TRPC3: variants seen among roughly 807,000 people sequenced by gnomAD.
TRPC3 encodes transient receptor potential cation channel subfamily C member 3.
In TRPC3, 54 loss-of-function variants were observed where a neutral mutation model predicts 90.9. That is an observed-to-expected ratio of 0.59 (90% confidence interval 0.48 to 0.75). The LOEUF is 0.75. Among genes scored for constraint, TRPC3 ranks in the 30% least tolerant of loss-of-function variants. The pLI, the probability that TRPC3 is intolerant of heterozygous loss-of-function variation, is 0.00. For missense variants in TRPC3, 918 were observed against 1,194.5 expected (o/e 0.77, Z 3.41); for synonymous variants, 424 against 450.9 (o/e 0.94, Z 0.75).
At chr4:121,896,696 ACTGTT>A (rs1728526684) in intron 10 of TRPC3, among the ~76,000 whole-genome samples, 1 of 81,650 alleles carries the variant, frequency 1.2e-5, no homozygotes, top group Non-Finnish European at 3.3e-5. Context: ...AAGAATTACT[ACTGTT>A]AAAATGACAA....
chr4:121,908,180 G>T (rs1198250871), intron 6 of TRPC3, among the ~76,000 whole-genome samples: 2 of 152,108 alleles, frequency 1.3e-5, no homozygotes, highest in Non-Finnish European at 2.9e-5. Flanking sequence ...ACCCTTTCAA[G>T]GTCACTTATT....
intron 10 of TRPC3, among the ~76,000 whole-genome samples, chr4:121,895,373 A>T (rs1159679773): frequency 1.3e-5 from 2 of 152,144 alleles, no homozygotes; most frequent in Non-Finnish European, 2.9e-5. Context: ...TGAGACTAAA[A>T]TAAATACAAA....
At chr4:121,909,797 C>A (rs1259721589) in intron 6 of TRPC3, among the ~76,000 whole-genome samples, 2 of 152,100 alleles carry the variant, frequency 1.3e-5, no homozygotes, top group African/African-American at 4.8e-5. Flanking sequence ...CAGGGACTTA[C>A]CTTCCACATC....
intron 9 of TRPC3, among the ~76,000 whole-genome samples, chr4:121,900,917 T>C (rs941134556): frequency 6.6e-6 from 1 of 152,168 alleles, no homozygotes; most frequent in Non-Finnish European, 1.5e-5. Flanking sequence ...AGCTATTCTT[T>C]CCTGTCAATG....
At chr4:121,918,762 A>T (rs762758562) in intron 3 of TRPC3, among the ~76,000 whole-genome samples, 5 of 152,226 alleles carry the variant, frequency 3.3e-5, no homozygotes, top group Non-Finnish European at 7.3e-5. Context: ...ATTTTCCTCC[A>T]ATGATGTAAA....
At chr4:121,914,014 G>A (rs1729205565) in intron 4 of TRPC3, among the ~76,000 whole-genome samples, 1 of 152,148 alleles carries the variant, frequency 6.6e-6, no homozygotes, top group Non-Finnish European at 1.5e-5. Flanking sequence ...AGGATTAAAG[G>A]ATCTCAGCAC....
At chr4:121,901,592 C>G (rs1728699510) in intron 9 of TRPC3, among the ~76,000 whole-genome samples, 1 of 152,198 alleles carries the variant, frequency 6.6e-6, no homozygotes. Context: ...TACAGGAAAG[C>G]ACTTTGTAAA....
Position 121,910,198 on chromosome 4 carries a change from A to G in TRPC3, c.1748T>C (p.Leu583Pro). 1.9e-6 allele frequency: 3 copies of G among 1,613,730 alleles called. 1 individual carries two copies. In the South Asian group the frequency reaches 3.3e-5, roughly 18 times the overall value. Reference protein sequence around the residue: ...YVDSYVQESDLSEVTLPPEIQ... With the variant: ...YVDSYVQESDPSEVTLPPEIQ... ...CTCTGGTGGGAGTGTCACTTCACTG[A>G]GGTCACTCTCTTGGACGTAACTGTC... is the stretch of plus-strand genomic sequence containing the variant. Residue 583 changes from leucine to proline, a missense_variant, in exon 6 of 12, where the codon CTC (leucine) becomes CCC (proline). Leu to Pro is a moderately conservative substitution (Grantham distance 98, BLOSUM62 -3). Transcript: ENST00000379645.
chr4:121,902,884 T>C lies in TRPC3; in HGVS notation c.2431A>G (p.Ile811Val), dbSNP rs1283127579. 2.5e-6 allele frequency: 4 copies of C among 1,612,734 alleles called. No individual in the cohort carries two copies. Among genetic ancestry groups the C allele is most frequent in the East Asian group, 2.2e-5 (1 of 44,770 alleles). ...KCRRRRLQKD[I>V]EMGMGNSKSR... ...TTTGAGTTACCCATTCCCATTTCTATATCCTTCTGAAGCCTTCTCCTTCTG... is the reference window on the plus strand; with the variant it reads ...TTTGAGTTACCCATTCCCATTTCTACATCCTTCTGAAGCCTTCTCCTTCTG... Residue 811 changes from isoleucine to valine, a missense_variant, in exon 9 of 12, where the codon ATA (isoleucine) becomes GTA (valine). Coordinates refer to ENST00000379645, the MANE Select transcript of TRPC3 (RefSeq NM_001130698.2).
chr4:121,930,156 G>C (rs564234392), intron 2 of TRPC3, among the ~76,000 whole-genome samples: 6 of 152,282 alleles, frequency 3.9e-5, no homozygotes, highest in Non-Finnish European at 7.4e-5. Context: ...AAATGAGAAA[G>C]AAAAGGCACA....
intron 9 of TRPC3, among the ~76,000 whole-genome samples, chr4:121,900,074 C>T (rs192519166): frequency 4.6e-5 from 7 of 152,118 alleles, no homozygotes; most frequent in Non-Finnish European, 1.0e-4. Flanking sequence ...AGTTCCTCTT[C>T]TAGATTTGAA....
At chr4:121,885,009 G>A (rs1030197672) in intron 10 of TRPC3, among the ~76,000 whole-genome samples, 4 of 152,160 alleles carry the variant, frequency 2.6e-5, no homozygotes, top group Non-Finnish European at 5.9e-5. Context: ...AAAATTATGT[G>A]TATCAGTTGA....
At chr4:121,934,348 T>TA (rs1730058809) in intron 1 of TRPC3, among the ~76,000 whole-genome samples, 1 of 152,218 alleles carries the variant, frequency 6.6e-6, no homozygotes, top group Non-Finnish European at 1.5e-5. Context: ...CTTTCAATAA[T>TA]CTGTACAATA....
chr4:121,950,721 C>A (rs2149160359), intron 1 of TRPC3: 1 of 152,372 alleles, frequency 6.6e-6, no homozygotes, highest in South Asian at 2.1e-4. Flanking sequence ...CGCGCCGGGG[C>A]GCGAGCCGCT....
chr4:121,907,546 G>T lies in TRPC3; in HGVS notation c.1814C>A (p.Ser605Tyr). 1 of 1,605,590 alleles carries T rather than the reference G, an allele frequency of 6.2e-7. No individual in the cohort carries two copies. Among genetic ancestry groups the T allele is most frequent in the Admixed American group, 1.7e-5 (1 of 58,222 alleles). Residue 605 changes from serine to tyrosine, a missense_variant, in exon 7 of 12, where the codon TCT (serine) becomes TAT (tyrosine). By Grantham distance (144) the Ser-to-Tyr change is moderately radical. Coordinates refer to ENST00000379645, the MANE Select transcript of TRPC3 (RefSeq NM_001130698.2). ...FTYARDKWLP[S>Y]DPQIISEGLY... is the part of the protein sequence containing the mutation. Reference sequence around the variant, plus strand: ...GCCTTCAGATATAATCTGAGGGTCAGAAGGGAGCCATTTATCTCTAGCTAG... The same window carrying T: ...GCCTTCAGATATAATCTGAGGGTCATAAGGGAGCCATTTATCTCTAGCTAG...
intron 1 of TRPC3, among the ~76,000 whole-genome samples, chr4:121,946,762 T>C (rs1461505408): frequency 6.6e-6 from 1 of 152,230 alleles, no homozygotes; most frequent in South Asian, 2.1e-4. Flanking sequence ...CTTTTAGCAC[T>C]ATCTAACTTT....
chr4:121,934,916 T>G (rs1219648460), intron 1 of TRPC3, among the ~76,000 whole-genome samples: 4 of 152,234 alleles, frequency 2.6e-5, no homozygotes, highest in African/African-American at 9.6e-5. Context: ...CACAGTGCTG[T>G]GACTGGCACC....
At chr4:121,912,591 T>C (rs187385820) in intron 4 of TRPC3, among the ~76,000 whole-genome samples, 86 of 152,324 alleles carry the variant, frequency 5.6e-4, no homozygotes, top group African/African-American at 2.0e-3. Context: ...CATTTCTAAA[T>C]ATTCCAAAAT....
chr4:121,917,068 A>G (rs1344075630), intron 3 of TRPC3, among the ~76,000 whole-genome samples: 2 of 152,202 alleles, frequency 1.3e-5, no homozygotes, highest in East Asian at 3.9e-4. Context: ...ACTTAGTTAC[A>G]GCAGCCTGAA....
Sources: allele counts gnomAD v4.1 joint callset (sites outside exome capture counted in the v4.1 genomes callset), GRCh38; gene constraint gnomAD v4.1.1; transcripts MANE v1.5; gene names NCBI Gene and HGNC (gene_info 2026-07-23, HGNC 2026-07-21).